SAMD8: variants seen among roughly 807,000 people sequenced by gnomAD.
SAMD8 encodes the protein sphingomyelin synthase-related protein 1.
Under a neutral mutation model 42.0 loss-of-function variants are expected in SAMD8, and 20 were observed. That is an observed-to-expected ratio of 0.48 (90% CI 0.34 to 0.69). The LOEUF is 0.69. SAMD8 is among the 30% of genes least tolerant of loss of function. The probability of loss-of-function intolerance (pLI) is 0.01; values close to 1 mark genes in which losing one functional copy is unlikely to be tolerated. For missense variants in SAMD8, 328 were observed against 511.6 expected, an observed-to-expected ratio of 0.64 and a Z score of 3.46; for synonymous variants, 162 against 173.0, an observed-to-expected ratio of 0.94 and a Z score of 0.50.
intron 1 of SAMD8, among the ~76,000 whole-genome samples, chr10:75,127,343 A>G (rs1849169229): frequency 6.6e-6 from 1 of 152,206 alleles, no homozygotes; most frequent in African/African-American, 2.4e-5. Flanking sequence ...GTCATGGGTA[A>G]GAATATGAAC....
At chr10:75,167,937 G>C (rs1424917717) in intron 3 of SAMD8, among the ~76,000 whole-genome samples, 1 of 152,150 alleles carries the variant, frequency 6.6e-6, no homozygotes, top group Non-Finnish European at 1.5e-5. Flanking sequence ...TTCAGTAATA[G>C]GACTAACACC....
rs1375991668 is a variant in SAMD8 at position 75,164,717 on chromosome 10, G to C, written c.651G>C (p.Leu217=). The C allele has an allele frequency of 1.9e-6, 3 of 1,613,752 alleles. No homozygotes were observed. The highest frequency in any genetic ancestry group is 2.5e-6 in the Non-Finnish European group (3 of 1,179,770). The change falls in exon 3 of 6, where the codon CTG becomes CTC. Residue 217 remains leucine (L), a synonymous_variant. Coordinates refer to ENST00000542569, the MANE Select transcript of SAMD8 (RefSeq NM_001174156.2). ...CGMILCYIWL[L]VLLLHKHRSI... The stretch of plus-strand genomic sequence containing the variant: ...TGATTCTGTGCTATATTTGGCTCCT[G>C]GTTCTTCTTCTTCACAAGCACAGGT...
intron 4 of SAMD8, among the ~76,000 whole-genome samples, chr10:75,171,799 C>T (rs12257843): frequency 0.014 from 2,105 of 152,032 alleles, 51 homozygotes; most frequent in African/African-American, 0.048. Context: ...CCAAGGTGGG[C>T]GGATCACTTG....
chr10:75,159,340 T>A (rs1296544148), intron 2 of SAMD8, among the ~76,000 whole-genome samples: 1 of 152,142 alleles, frequency 6.6e-6, no homozygotes, highest in Non-Finnish European at 1.5e-5. Context: ...ATTACACGTG[T>A]GAGCCACCAC....
At chr10:75,156,958 G>T (rs955205422) in intron 2 of SAMD8, among the ~76,000 whole-genome samples, 13 of 152,112 alleles carry the variant, frequency 8.5e-5, no homozygotes, top group African/African-American at 3.1e-4. Flanking sequence ...TAGTATATTG[G>T]GTTATGAGGA....
At position 75,176,334 on chromosome 10, in the gene SAMD8, G is replaced by A; in HGVS notation, c.944-54G>A. On this transcript the variant is annotated intron_variant, in intron 5 of 5. Transcript: ENST00000542569. The surrounding 1 kb of genome is among the most constrained non-coding windows in gnomAD (Gnocchi z 4.3). ...ACAGCCTGACCTGAGAAACGTGACT[G>A]AGAAGCATTGGAAGGAATGTAGCTT... 1 of 1,592,686 alleles carries A rather than the reference G, an allele frequency of 6.3e-7. No individual in the cohort carries two copies. Among genetic ancestry groups the A allele is most frequent in the South Asian group, 1.1e-5 (1 of 87,256 alleles).
At position 75,165,541 on chromosome 10, in the gene SAMD8, G is replaced by A. The variant is rs532237435; in HGVS notation, c.674+801G>A. On this transcript the variant is annotated intron_variant, in intron 3 of 5. Transcript: ENST00000542569. ...AAATATTAGCTGGGCATGGTGGCGG[G>A]TGCCTGTAGTCCCAGCTAACTTGGG... 9.2e-5 allele frequency among the ~76,000 whole-genome samples: 14 copies of A among 151,786 alleles called. 1 individual carries two copies. In the South Asian group the frequency reaches 2.9e-3, roughly 32 times the overall value.
intron 3 of SAMD8, among the ~76,000 whole-genome samples, chr10:75,165,714 G>A (rs1840659322): frequency 6.6e-6 from 1 of 151,420 alleles, no homozygotes; most frequent in Non-Finnish European, 1.5e-5. Flanking sequence ...AGTGGCACAT[G>A]CCTGTAACCC....
At chr10:75,106,469 C>T (rs562079896) in intron 1 of SAMD8, among the ~76,000 whole-genome samples, 2 of 152,300 alleles carry the variant, frequency 1.3e-5, no homozygotes, top group Admixed American at 6.5e-5. Context: ...GGCTGAGACA[C>T]GGCTTCCTCC....
chr10:75,160,969 G>C (rs1840543847), intron 2 of SAMD8, among the ~76,000 whole-genome samples: 1 of 152,160 alleles, frequency 6.6e-6, no homozygotes, highest in African/African-American at 2.4e-5. Flanking sequence ...TGGGGAGTCT[G>C]AGGTGGGAGG....
At chr10:75,163,508 A>G (rs189536404) in intron 2 of SAMD8, among the ~76,000 whole-genome samples, 22 of 152,116 alleles carry the variant, frequency 1.4e-4, no homozygotes, top group African/African-American at 4.6e-4. Flanking sequence ...ACCTCGGCTC[A>G]CTGCAACCTC....
At chr10:75,164,108 T>G (rs976911950) in intron 2 of SAMD8, among the ~76,000 whole-genome samples, 6 of 152,120 alleles carry the variant, frequency 3.9e-5, no homozygotes, top group African/African-American at 1.4e-4. Flanking sequence ...TCCCGGCCAC[T>G]TAGGTGGCTG....
In SAMD8 at chr10:75,114,277, T is replaced by G. The variant is rs995690459; in HGVS notation, c.-16+2555T>G. Among the ~76,000 whole-genome samples, 67 of 150,908 alleles carry G rather than the reference T, an allele frequency of 4.4e-4. 1 individual carries two copies. The East Asian group carries it at 0.013, about 29-fold the overall frequency. On this transcript the variant is annotated intron_variant, in intron 1 of 5. Coordinates refer to ENST00000542569, the MANE Select transcript of SAMD8 (RefSeq NM_001174156.2). ...TCTCTTGAACCCGGGAAGCAGAGGT[T>G]GTGAGCTGAGATCACACCACTGCAC...
rs1321371550 is a variant in SAMD8, at chr10:75,111,717, G to T, written c.-21G>T. On this transcript the variant is annotated 5_prime_UTR_variant, in exon 1 of 6. Coordinates refer to ENST00000542569, the MANE Select transcript of SAMD8 (RefSeq NM_001174156.2). ...GGGTCCGGGGAGCCCGACTCGGACC[G>T]CGGAGGTGAGCGGGAGCTGAGGCTG... 7 of 1,234,122 alleles carry T rather than the reference G, an allele frequency of 5.7e-6. No individual in the cohort carries two copies. Among genetic ancestry groups the T allele is most frequent in the Non-Finnish European group, 7.1e-6 (7 of 988,936 alleles). The allele number at this position is 1,234,122 out of a possible 1,614,324, so 76.4% of individuals were successfully genotyped here.
chr10:75,110,046 A>G (rs1464131496), upstream of SAMD8, among the ~76,000 whole-genome samples: 1 of 152,202 alleles, frequency 6.6e-6, no homozygotes, highest in South Asian at 2.1e-4. Flanking sequence ...TTGAACTCCT[A>G]CCTCAAGTGA....
At chr10:75,159,125 C>G (rs1361506266) in intron 2 of SAMD8, among the ~76,000 whole-genome samples, 1 of 143,292 alleles carries the variant, frequency 7.0e-6, no homozygotes, top group Admixed American at 7.3e-5. Context: ...GTGGTGCAAT[C>G]TCAACTCACC....
chr10:75,149,884 T>C (rs1016215805), intron 1 of SAMD8, among the ~76,000 whole-genome samples: 6 of 152,118 alleles, frequency 3.9e-5, no homozygotes, highest in Non-Finnish European at 7.4e-5. Flanking sequence ...TAAAAATGTT[T>C]GGTTATTAAA....
At chr10:75,109,129 C>T (rs749886428), upstream of SAMD8, 4 of 1,606,358 alleles carry the variant, frequency 2.5e-6, no homozygotes, top group African/African-American at 2.7e-5. Context: ...GTCCTCTCCC[C>T]CCAGCTCTGG....
intron 1 of SAMD8, chr10:75,101,771 ACCCCT>A: frequency 9.8e-6 from 4 of 408,868 alleles, no homozygotes; most frequent in Non-Finnish European, 1.5e-5. Flanking sequence ...CCCAAACCCC[ACCCCT>A]CCCCACACAG....
Sources: gnomAD v4.1 joint callset for allele counts (sites outside exome capture counted in the v4.1 genomes callset) on GRCh38, gnomAD v4.1.1 for gene constraint, Gnocchi (gnomAD v3.1) non-coding constraint, MANE v1.5 for transcripts, NCBI Gene and HGNC (gene_info 2026-07-23, HGNC 2026-07-21) for gene names.